The following ALCAM variants were observed in gnomAD, a reference collection of about 807,000 sequenced individuals.
ALCAM encodes activated leukocyte cell adhesion molecule, also known as CD166 antigen.
In ALCAM, 30 loss-of-function variants were observed where a neutral mutation model predicts 70.9. The ratio of observed to expected loss-of-function variants is 0.42; its 90% CI spans 0.32 to 0.57. ALCAM has a LOEUF of 0.57. Ranked by LOEUF, ALCAM falls within the 20% of genes least tolerant of loss-of-function variation. The pLI, the probability that ALCAM is intolerant of heterozygous loss-of-function variation, is 0.11. For missense variants in ALCAM, 591 were observed against 695.1 expected, an observed-to-expected ratio of 0.85 and a Z score of 1.68; for synonymous variants, 249 against 242.5, an observed-to-expected ratio of 1.03 and a Z score of -0.25.
intron 6 of ALCAM, among the ~76,000 whole-genome samples, chr3:105,538,975 A>G (rs1390484078): frequency 2.6e-5 from 4 of 152,148 alleles, no homozygotes; most frequent in African/African-American, 4.8e-5. Flanking sequence ...CGCAAGAGAT[A>G]GAACAAAGCC....
At chr3:105,548,628 T>C (rs1940312431) in intron 11 of ALCAM, among the ~76,000 whole-genome samples, 1 of 151,382 alleles carries the variant, frequency 6.6e-6, no homozygotes, top group Admixed American at 6.6e-5. Context: ...ACTCTAGATA[T>C]GGAAAGCCCT....
At chr3:105,518,984 TTA>T (rs1939458985) in intron 1 of ALCAM, among the ~76,000 whole-genome samples, 2 of 152,084 alleles carry the variant, frequency 1.3e-5, no homozygotes, top group Admixed American at 1.3e-4. Flanking sequence ...ATGGTTTTAT[TTA>T]TGTGTTGCAG....
chr3:105,524,452 G>T lies in ALCAM; in HGVS notation c.338G>T (p.Cys113Phe). ...ATCAGTGATGAAAAGAGATTTGTGTGCATGCTAGTAACTGAGGACAACGTG... is the reference window on the plus strand; with the variant it reads ...ATCAGTGATGAAAAGAGATTTGTGTTCATGCTAGTAACTGAGGACAACGTG... ...ARISDEKRFV[C>F]MLVTEDNVFE... is the part of the protein sequence containing the mutation. Residue 113 changes from cysteine to phenylalanine, a missense_variant, in exon 3 of 16, where the codon TGC (cysteine) becomes TTC (phenylalanine). Cys to Phe is a radical substitution (Grantham distance 205). This residue lies in a region of ALCAM where 427 missense variants were observed against 450.4 expected (regional missense o/e 0.95). Transcript: ENST00000306107. The T allele has an allele frequency of 6.2e-7, 1 of 1,614,076 alleles. No individual in the cohort carries two copies. The highest frequency in any genetic ancestry group is 8.5e-7 in the Non-Finnish European group (1 of 1,180,000).
rs1935084577 is a variant in ALCAM at position 105,367,315 on chromosome 3, G to C, written c.-94G>C. On this transcript the variant is annotated 5_prime_UTR_variant, in exon 1 of 16. Transcript: ENST00000306107. ...GGGAGAAGACGCTGCCCCTGCGTCG[G>C]GACCCGCCAGCGCGCGGGCACCGCG... 1 of 1,328,694 alleles carries C rather than the reference G, an allele frequency of 7.5e-7. No individual in the cohort carries two copies. Among genetic ancestry groups the C allele is most frequent in the Admixed American group, 1.9e-5 (1 of 51,902 alleles). 82.3% of individuals were successfully genotyped at this position (1,328,694 alleles called of 1,614,324 possible).
Position 105,451,111 on chromosome 3 carries a change from A to G in ALCAM, c.74-68956A>G, listed in dbSNP as rs186123021. ...GAAGTAAGTAAACAAAATAAAGGAA[A>G]AAAAAATCTGAGCATGGTGGTGCAA... On this transcript the variant is annotated intron_variant, in intron 1 of 15. Transcript: ENST00000306107. 1.3e-3 allele frequency among the ~76,000 whole-genome samples: 205 copies of G among 152,202 alleles called. 1 individual carries two copies. The highest frequency in any genetic ancestry group is 4.8e-3 in the African/African-American group (199 of 41,536).
chr3:105,505,303 G>A (rs9810954), intron 1 of ALCAM, among the ~76,000 whole-genome samples: 87,008 of 152,006 alleles, frequency 0.57, 25,112 homozygotes, highest in Admixed American at 0.64. Flanking sequence ...ACTTGCAATC[G>A]TGGCGGAAGG....
Position 105,534,663 on chromosome 3 carries a change from C to T in ALCAM, c.548C>T (p.Ala183Val), listed in dbSNP as rs144172449. The change falls in exon 6 of 16, where the codon GCG (alanine) becomes GTG (valine). Residue 183 changes from alanine to valine, a missense_variant and splice_region_variant. Around this residue, in one of 2 missense-constraint regions of ALCAM, gnomAD observed 427 missense variants for 450.4 expected, o/e 0.95. Coordinates refer to ENST00000306107, the MANE Select transcript of ALCAM (RefSeq NM_001627.4). ...CATCAGTGTTCTTTATTTTCTTCAGCGGTGGTCATAATTTTTAAAAAGGAA... is the reference window on the plus strand; with the variant it reads ...CATCAGTGTTCTTTATTTTCTTCAGTGGTGGTCATAATTTTTAAAAAGGAA... Reference protein sequence around the residue: ...NGKVLHPLEGAVVIIFKKEMD... With the variant: ...NGKVLHPLEGVVVIIFKKEMD... 1.0e-4 allele frequency: 168 copies of T among 1,612,912 alleles called. No individual in the cohort carries two copies. Among genetic ancestry groups the T allele is most frequent in the Non-Finnish European group, 1.3e-4 (152 of 1,179,262 alleles).
At chr3:105,542,909 C>A (rs583889) in intron 8 of ALCAM, among the ~76,000 whole-genome samples, 143,927 of 151,712 alleles carry the variant, frequency 0.95, 68,684 homozygotes, top group East Asian at 1. Context: ...GAATGTGTCT[C>A]CCATCAGGGG....
intron 1 of ALCAM, among the ~76,000 whole-genome samples, chr3:105,486,962 A>G (rs1938446660): frequency 6.6e-6 from 1 of 151,426 alleles, no homozygotes; most frequent in African/African-American, 2.4e-5. Context: ...TAAGACATTT[A>G]TTTATTTATT....
chr3:105,511,177 T>TA (rs1211909257), intron 1 of ALCAM, among the ~76,000 whole-genome samples: 1 of 152,050 alleles, frequency 6.6e-6, no homozygotes, highest in Non-Finnish European at 1.5e-5. Flanking sequence ...TATGACTCTC[T>TA]AAGTTCATGC....
intron 1 of ALCAM, among the ~76,000 whole-genome samples, chr3:105,452,272 T>C (rs1171498453): frequency 6.6e-6 from 1 of 152,010 alleles, no homozygotes; most frequent in Non-Finnish European, 1.5e-5. Flanking sequence ...TCTGTGTCCA[T>C]GTGTTCTCAT....
chr3:105,399,621 T>A (rs920484039), intron 1 of ALCAM, among the ~76,000 whole-genome samples: 6 of 152,186 alleles, frequency 3.9e-5, no homozygotes, highest in Non-Finnish European at 8.8e-5. Context: ...AAAGACTATA[T>A]CCAGTTACTG....
chr3:105,549,582 ACAT>A (rs1431320707), intron 11 of ALCAM, among the ~76,000 whole-genome samples: 3 of 151,428 alleles, frequency 2.0e-5, no homozygotes, highest in African/African-American at 7.3e-5. Context: ...CACCTCACAA[ACAT>A]CAGAGGGACA....
At chr3:105,468,819 C>T (rs1241432604) in intron 1 of ALCAM, among the ~76,000 whole-genome samples, 2 of 151,174 alleles carry the variant, frequency 1.3e-5, no homozygotes, top group African/African-American at 2.4e-5. Flanking sequence ...TCCCCTGCAA[C>T]CTTTTAGTTA....
Position 105,534,843 on chromosome 3 carries a change from A to T in ALCAM, c.728A>T (p.Tyr243Phe). ...IHSEQAVFDIYYPTEQVTIQV... is the reference protein window; with the variant it reads ...IHSEQAVFDIFYPTEQVTIQV... ...TCTGAACAGGCAGTATTTGATATTTACTGTAAGTAATTCAATATATAATTA... is the reference window on the plus strand; with the variant it reads ...TCTGAACAGGCAGTATTTGATATTTTCTGTAAGTAATTCAATATATAATTA... The change falls in exon 6 of 16, where the codon TAC (tyrosine) becomes TTC (phenylalanine). Residue 243 changes from tyrosine to phenylalanine, a missense_variant and splice_region_variant. This residue lies in a region of ALCAM where 427 missense variants were observed against 450.4 expected (regional missense o/e 0.95). Coordinates refer to ENST00000306107, the MANE Select transcript of ALCAM (RefSeq NM_001627.4). 6.2e-7 allele frequency: 1 copy of T among 1,606,706 alleles called. No homozygotes were observed. Among genetic ancestry groups the T allele is most frequent in the Non-Finnish European group, 8.5e-7 (1 of 1,175,706 alleles).
intron 1 of ALCAM, among the ~76,000 whole-genome samples, chr3:105,383,575 A>G (rs2107339406): frequency 6.6e-6 from 1 of 151,852 alleles, no homozygotes; most frequent in Non-Finnish European, 1.5e-5. Context: ...AATTGAGGGA[A>G]TGACAACTCT....
intron 2 of ALCAM, among the ~76,000 whole-genome samples, chr3:105,522,583 C>CCCTA (rs1939571454): frequency 6.6e-6 from 1 of 152,288 alleles, no homozygotes; most frequent in East Asian, 1.9e-4. Flanking sequence ...CTCCTCCCAA[C>CCCTA]CCTACTCCTG....
chr3:105,373,487 TAGAG>T (rs1935294699), intron 1 of ALCAM, among the ~76,000 whole-genome samples: 1 of 152,166 alleles, frequency 6.6e-6, no homozygotes, highest in African/African-American at 2.4e-5. Context: ...TGTATAGTTT[TAGAG>T]AGAGTCTAGA....
rs1415265941 is a variant in ALCAM at position 105,561,037 on chromosome 3, C to T, written c.1664+8452C>T. On this transcript the variant is annotated intron_variant, in intron 14 of 15. Transcript: ENST00000306107. ...TCTTCAAATCCATGATCATATATCTCCTCATTTACTTGGCTCTTTTCAATT... is the reference window on the plus strand; with the variant it reads ...TCTTCAAATCCATGATCATATATCTTCTCATTTACTTGGCTCTTTTCAATT... Among the ~76,000 whole-genome samples the T allele has an allele frequency of 3.3e-5, 5 of 152,088 alleles. 1 individual carries two copies. The East Asian group carries it at 9.6e-4, about 29-fold the overall frequency.
Sources: allele counts gnomAD v4.1 joint callset (sites outside exome capture counted in the v4.1 genomes callset), GRCh38; gene constraint gnomAD v4.1.1; regional missense constraint gnomAD v4.1.1; transcripts MANE v1.5; gene names NCBI Gene and HGNC (gene_info 2026-07-23, HGNC 2026-07-21).